Variants in HERC4 observed in about 807,000 individuals in gnomAD.
HERC4 encodes probable E3 ubiquitin-protein ligase HERC4.
A neutral mutation model predicts 124.3 loss-of-function variants in HERC4; 28 were observed. That is an observed-to-expected ratio of 0.23 (90% CI 0.17 to 0.31). The LOEUF is 0.31. Among genes scored for constraint, HERC4 ranks in the 10% least tolerant of loss-of-function variants. HERC4 has a pLI of 1.00. For synonymous variants in HERC4, 407 were observed against 421.5 expected, an observed-to-expected ratio of 0.97 and a Z score of 0.42; for missense variants, 713 against 1,229.3, an observed-to-expected ratio of 0.58 and a Z score of 6.28.
At chr10:67,978,734 T>G (rs1564500462) in intron 15 of HERC4, among the ~76,000 whole-genome samples, 1 of 152,138 alleles carries the variant, frequency 6.6e-6, no homozygotes, top group Non-Finnish European at 1.5e-5. Flanking sequence ...GCCACAGGGG[T>G]GCTTGTGTCA....
chr10:67,941,195 G>A lies in HERC4; in HGVS notation c.2338-90C>T, dbSNP rs79760944. On this transcript the variant is annotated intron_variant, in intron 19 of 24. Coordinates refer to ENST00000373700, the MANE Select transcript of HERC4 (RefSeq NM_015601.4). ...CATAAATATGCTCATATACAATTTT[G>A]AAGATAGAGAAAAAAGTAATAAATA... 16,359 of 863,122 alleles carry A rather than the reference G, an allele frequency of 0.019. 1,611 individuals are homozygous for A. The East Asian group carries it at 0.28, about 15-fold the overall frequency. The allele number at this position is 863,122 out of a possible 1,614,324, so 53.5% of individuals were successfully genotyped here.
chr10:68,005,002 A>G (rs2037454393), intron 9 of HERC4, among the ~76,000 whole-genome samples: 2 of 152,230 alleles, frequency 1.3e-5, no homozygotes, highest in South Asian at 4.1e-4. Context: ...CAGTTTTCCC[A>G]GTACCATTTA....
intron 5 of HERC4, 103 bp downstream of exon 5, chr10:68,037,990 G>A: frequency 1.5e-6 from 1 of 659,502 alleles, no homozygotes; most frequent in South Asian, 1.9e-5. Context: ...AAGAACCAGG[G>A]CAATCTTGCA....
intron 3 of HERC4, among the ~76,000 whole-genome samples, chr10:68,049,596 A>C (rs1285033633): frequency 6.7e-6 from 1 of 150,274 alleles, no homozygotes; most frequent in African/African-American, 2.5e-5. Flanking sequence ...GCCACAAAAA[A>C]AAAAAAAAAA....
At chr10:68,026,174 C>T (rs931882782) in intron 7 of HERC4, among the ~76,000 whole-genome samples, 3 of 152,172 alleles carry the variant, frequency 2.0e-5, no homozygotes, top group Admixed American at 2.0e-4. Context: ...TGGCTCACTG[C>T]AGCCTCAACC....
chr10:67,982,321 T>C (rs948039909), intron 15 of HERC4, among the ~76,000 whole-genome samples: 1 of 152,080 alleles, frequency 6.6e-6, no homozygotes, highest in African/African-American at 2.4e-5. Context: ...GAAACAAATC[T>C]ACACACCTAA....
chr10:67,997,286 C>A (rs1431001751), intron 9 of HERC4, among the ~76,000 whole-genome samples: 1 of 152,112 alleles, frequency 6.6e-6, no homozygotes, highest in Non-Finnish European at 1.5e-5. Context: ...TGCTAGATAG[C>A]AAATAATCTG....
At chr10:68,015,715 T>C (rs1360628232) in intron 8 of HERC4, among the ~76,000 whole-genome samples, 1 of 152,172 alleles carries the variant, frequency 6.6e-6, no homozygotes, top group Admixed American at 6.5e-5. Flanking sequence ...TGCAATACTA[T>C]TTTATTAAAA....
chr10:68,050,324 A>AAT (rs1362625471), intron 3 of HERC4, among the ~76,000 whole-genome samples: 1 of 152,232 alleles, frequency 6.6e-6, no homozygotes, highest in Non-Finnish European at 1.5e-5. Context: ...GAACCATGTG[A>AAT]ATATATATTG....
chr10:67,999,029 C>T (rs977059706), intron 9 of HERC4, among the ~76,000 whole-genome samples: 1 of 152,148 alleles, frequency 6.6e-6, no homozygotes, highest in Non-Finnish European at 1.5e-5. Flanking sequence ...CTGTGCCTGG[C>T]TCCCATGGAG....
At chr10:67,950,551 C>T (rs754232920) in intron 19 of HERC4, among the ~76,000 whole-genome samples, 8 of 152,104 alleles carry the variant, frequency 5.3e-5, no homozygotes, top group Admixed American at 1.3e-4. Flanking sequence ...GCTGGGATTA[C>T]AGGCATGAGC....
In HERC4 at chr10:68,059,648, ATTATATATC is replaced by A. The variant is rs1223353255; in HGVS notation, c.226+13226_226+13234del. On this transcript the variant is annotated intron_variant, in intron 3 of 24. Transcript: ENST00000373700. The stretch of plus-strand genomic sequence containing the variant: ...TATATATCATAATATTATATATTAT[ATTATATATC>A]ATATTATATATTATATTATATATCA... Among the ~76,000 whole-genome samples the A allele has an allele frequency of 5.0e-4, 35 of 69,888 alleles. 2 individuals are homozygous for A. Among genetic ancestry groups the A allele is most frequent in the African/African-American group, 1.2e-3 (11 of 9,496 alleles). The allele number at this position is 69,888 out of a possible 152,430, so 45.8% of individuals were successfully genotyped here.
chr10:67,970,959 A>AT (rs2035198934), intron 15 of HERC4, among the ~76,000 whole-genome samples: 1 of 152,056 alleles, frequency 6.6e-6, no homozygotes, highest in African/African-American at 2.4e-5. Context: ...TTAAAAGCAA[A>AT]TGAGTTTTCT....
At chr10:68,020,804 C>T (rs1043332410) in intron 8 of HERC4, among the ~76,000 whole-genome samples, 1 of 148,556 alleles carries the variant, frequency 6.7e-6, no homozygotes, top group South Asian at 2.1e-4. Context: ...TTGGAAAGTA[C>T]AATACCTGAA....
intron 4 of HERC4, chr10:68,038,397 G>C (rs2039588511): frequency 5.5e-6 from 2 of 366,130 alleles, no homozygotes; most frequent in Admixed American, 9.6e-5. Context: ...ATCTTGGAAA[G>C]ACAGTATTTA....
intron 23 of HERC4, among the ~76,000 whole-genome samples, chr10:67,926,279 C>T (rs1325276909): frequency 1.3e-5 from 2 of 151,942 alleles, no homozygotes; most frequent in Non-Finnish European, 1.5e-5. Context: ...CCTGTAATCC[C>T]GGCTACTTGG....
At chr10:67,939,840 A>C (rs1378282124) in intron 20 of HERC4, among the ~76,000 whole-genome samples, 186 bp from the exon 21 acceptor site, 4 of 152,136 alleles carry the variant, frequency 2.6e-5, no homozygotes, top group African/African-American at 9.7e-5. Context: ...ATGATGCTTA[A>C]GGAAAAAAAT....
intron 22 of HERC4, 69 bp from the exon 23 acceptor site, chr10:67,932,849 T>A: frequency 7.4e-7 from 1 of 1,355,308 alleles, no homozygotes; most frequent in African/African-American, 1.5e-5. Context: ...ATGTAGTCAT[T>A]AAAACTTCAA....
chr10:67,944,395 C>T (rs2033160979), intron 19 of HERC4, among the ~76,000 whole-genome samples: 1 of 152,234 alleles, frequency 6.6e-6, no homozygotes, highest in Non-Finnish European at 1.5e-5. Flanking sequence ...TGGGGTGCCC[C>T]CTAATGCAGA....
Sources: allele counts gnomAD v4.1 joint callset (sites outside exome capture counted in the v4.1 genomes callset), GRCh38; gene constraint gnomAD v4.1.1; transcripts MANE v1.5; gene names NCBI Gene and HGNC (gene_info 2026-07-23, HGNC 2026-07-21).